ASTN2: variants seen among roughly 807,000 people sequenced by gnomAD.
The protein encoded by ASTN2 is astrotactin 2.
Under a neutral mutation model 139.8 loss-of-function variants are expected in ASTN2, and 54 were observed. The ratio of observed to expected loss-of-function variants is 0.39; its 90% confidence interval spans 0.31 to 0.48. The LOEUF (loss-of-function observed/expected upper bound fraction) is 0.48, where lower values mean the gene tolerates loss of function less well. ASTN2 is among the 20% of genes least tolerant of loss of function. The probability of loss-of-function intolerance (pLI) is 0.95; values close to 1 mark genes in which losing one functional copy is unlikely to be tolerated. For synonymous variants in ASTN2, 756 were observed against 719.5 expected, an observed-to-expected ratio of 1.05 and a Z score of -0.81; for missense variants, 1,565 against 1,725.1, an observed-to-expected ratio of 0.91 and a Z score of 1.64.
intron 16 of ASTN2, among the ~76,000 whole-genome samples, chr9:116,720,995 G>T (rs1828457228): frequency 8.5e-5 from 13 of 152,140 alleles, no homozygotes; most frequent in Admixed American, 8.5e-4. Context: ...CCACACACAT[G>T]TGTGCCTTCA....
chr9:117,244,948 T>C (rs1564501326), intron 2 of ASTN2, among the ~76,000 whole-genome samples: 2 of 152,142 alleles, frequency 1.3e-5, no homozygotes, highest in Non-Finnish European at 2.9e-5. Flanking sequence ...TTTTCAGTTA[T>C]ATGTAGGCAG....
chr9:116,557,633 T>C (rs1181626833), intron 19 of ASTN2: 1 of 152,212 alleles, frequency 6.6e-6, no homozygotes, highest in Non-Finnish European at 1.5e-5. Context: ...TTGGAAATTG[T>C]CCTTAAAGGA....
chr9:116,688,723 C>A (rs888907294), intron 16 of ASTN2, among the ~76,000 whole-genome samples: 2 of 152,040 alleles, frequency 1.3e-5, no homozygotes, highest in Admixed American at 1.3e-4. Context: ...TTTCCCTGTA[C>A]CCCCAAGCTA....
intron 1 of ASTN2, among the ~76,000 whole-genome samples, chr9:117,291,715 C>G (rs1834599006): frequency 6.6e-6 from 1 of 152,180 alleles, no homozygotes; most frequent in African/African-American, 2.4e-5. Flanking sequence ...CCTAAAGTAA[C>G]AGAGTAGTGG....
chr9:116,600,428 G>T (rs987871880), intron 19 of ASTN2, among the ~76,000 whole-genome samples: 1 of 152,060 alleles, frequency 6.6e-6, no homozygotes, highest in Non-Finnish European at 1.5e-5. Context: ...CTTGCCTCTG[G>T]CTGTCATTAC....
intron 5 of ASTN2, among the ~76,000 whole-genome samples, chr9:117,058,080 G>GC: frequency 6.6e-6 from 1 of 152,208 alleles, no homozygotes; most frequent in Non-Finnish European, 1.5e-5. Flanking sequence ...TACAGAACTT[G>GC]CCCCCCTGCC....
chr9:117,146,840 G>A (rs1406682543), intron 3 of ASTN2, among the ~76,000 whole-genome samples: 1 of 152,178 alleles, frequency 6.6e-6, no homozygotes, highest in African/African-American at 2.4e-5. Flanking sequence ...CTATAGTGCT[G>A]TAGGGTGACT....
At chr9:117,293,956 A>G (rs1464151689) in intron 1 of ASTN2, among the ~76,000 whole-genome samples, 1 of 152,228 alleles carries the variant, frequency 6.6e-6, no homozygotes, top group Non-Finnish European at 1.5e-5. Flanking sequence ...GGTAGGCTAC[A>G]TCTGGTTGAC....
chr9:117,079,731 A>G (rs1347318347), intron 5 of ASTN2, among the ~76,000 whole-genome samples: 1 of 46,958 alleles, frequency 2.1e-5, no homozygotes, highest in African/African-American at 1.0e-4. Flanking sequence ...ATAAATAATA[A>G]AAGGGATGAA....
At chr9:116,817,632 A>T (rs1297624514) in intron 12 of ASTN2, among the ~76,000 whole-genome samples, 3 of 152,230 alleles carry the variant, frequency 2.0e-5, no homozygotes, top group Non-Finnish European at 2.9e-5. Context: ...AACTTTGCTT[A>T]ACAACTATTA....
chr9:116,660,585 T>C (rs1175495600), intron 16 of ASTN2, among the ~76,000 whole-genome samples: 1 of 152,124 alleles, frequency 6.6e-6, no homozygotes, highest in Non-Finnish European at 1.5e-5. Flanking sequence ...TCAGAGGTCA[T>C]TTGTTCCAGC....
Position 116,790,624 on chromosome 9 carries a change from C to A in ASTN2, c.2396+15008G>T, listed in dbSNP as rs62575385. Among the ~76,000 whole-genome samples the A allele has an allele frequency of 1.7e-3, 255 of 152,106 alleles. 1 individual carries two copies. The highest frequency in any genetic ancestry group is 5.9e-3 in the African/African-American group (247 of 41,516). On this transcript the variant is annotated intron_variant, in intron 13 of 22. Transcript: ENST00000313400. ...GAGCAAAATGCACTTGATGAGTAGT[C>A]CTTCTGCACAAGAATAGGGACGTCA...
At chr9:116,682,158 T>A (rs1859918390) in intron 16 of ASTN2, among the ~76,000 whole-genome samples, 2 of 151,880 alleles carry the variant, frequency 1.3e-5, no homozygotes, top group African/African-American at 4.8e-5. Flanking sequence ...GAATCTACAA[T>A]GAACTCAAAC....
chr9:117,120,099 A>G (rs1206169817), intron 4 of ASTN2, among the ~76,000 whole-genome samples: 3 of 146,004 alleles, frequency 2.1e-5, no homozygotes, highest in Non-Finnish European at 3.0e-5. Context: ...ATGCTGAAAA[A>G]TTACAAAATA....
At chr9:117,039,219 T>TAC (rs570661642) in intron 6 of ASTN2, among the ~76,000 whole-genome samples, 10 of 152,246 alleles carry the variant, frequency 6.6e-5, no homozygotes, top group Admixed American at 6.5e-4. Context: ...GAAAATGTGG[T>TAC]ACACACACAC....
intron 19 of ASTN2, among the ~76,000 whole-genome samples, chr9:116,548,600 G>A (rs1387302326): frequency 6.9e-6 from 1 of 145,174 alleles, no homozygotes; most frequent in African/African-American, 2.9e-5. Flanking sequence ...AGCCTCCTGA[G>A]TATCTGGGAT....
intron 19 of ASTN2, among the ~76,000 whole-genome samples, chr9:116,617,142 T>C (rs1030073662): frequency 6.6e-6 from 1 of 152,204 alleles, no homozygotes; most frequent in Non-Finnish European, 1.5e-5. Context: ...TGACTTCTCA[T>C]GTTGTCCATA....
intron 5 of ASTN2, among the ~76,000 whole-genome samples, chr9:117,057,834 C>T (rs964236602): frequency 5.9e-5 from 9 of 152,172 alleles, no homozygotes; most frequent in African/African-American, 9.7e-5. Context: ...TCTGGTTACA[C>T]GAACTTAGGC....
chr9:116,802,409 G>A (rs1218101275), intron 13 of ASTN2, among the ~76,000 whole-genome samples: 1 of 152,182 alleles, frequency 6.6e-6, no homozygotes, highest in East Asian at 1.9e-4. Flanking sequence ...TCTCACTGAC[G>A]AGTCTGTTGG....
Sources: gnomAD v4.1 joint callset for allele counts (sites outside exome capture counted in the v4.1 genomes callset) on GRCh38, gnomAD v4.1.1 for gene constraint, MANE v1.5 for transcripts, NCBI Gene and HGNC (gene_info 2026-07-23, HGNC 2026-07-21) for gene names.